PLCB1: variants seen among roughly 807,000 people sequenced by gnomAD.
PLCB1 encodes the protein phospholipase C beta 1, also known as 1-phosphatidylinositol 4,5-bisphosphate phosphodiesterase beta-1.
A neutral mutation model predicts 161.8 loss-of-function variants in PLCB1; 46 were observed. That is an observed-to-expected ratio of 0.28 (90% CI 0.22 to 0.36). PLCB1 has a LOEUF of 0.36. Ranked by LOEUF, PLCB1 falls within the 10% of genes least tolerant of loss-of-function variation. PLCB1 has a pLI of 1.00. For synonymous variants in PLCB1, 517 were observed against 503.7 expected (o/e 1.03, Z -0.35); for missense variants, 1,016 against 1,472.5 (o/e 0.69, Z 5.07).
chr20:8,880,515 A>AAAT (rs1332026705), intron 31 of PLCB1, among the ~76,000 whole-genome samples: 3 of 152,226 alleles, frequency 2.0e-5, no homozygotes, highest in African/African-American at 7.2e-5. Flanking sequence ...TTAGAATGAA[A>AAAT]AATGAATCAA....
intron 7 of PLCB1, among the ~76,000 whole-genome samples, chr20:8,656,786 G>A (rs1389781887): frequency 7.7e-6 from 1 of 129,346 alleles, no homozygotes; most frequent in Non-Finnish European, 1.6e-5. Context: ...AAAGATTCAA[G>A]TAGGAAAAAA....
At chr20:8,811,880 T>C (rs895844702) in intron 31 of PLCB1, among the ~76,000 whole-genome samples, 2 of 152,186 alleles carry the variant, frequency 1.3e-5, no homozygotes, top group Non-Finnish European at 2.9e-5. Context: ...AATAAACTCA[T>C]ATATTTCCTT....
At chr20:8,333,329 A>C (rs1350464992) in intron 2 of PLCB1, among the ~76,000 whole-genome samples, 2 of 152,236 alleles carry the variant, frequency 1.3e-5, no homozygotes, top group African/African-American at 4.8e-5. Context: ...GCAGCTAACT[A>C]GTGCCAAAAG....
Position 8,744,788 on chromosome 20 carries a change from G to A in PLCB1, c.2523+3215G>A, listed in dbSNP as rs1981083392. 2.0e-5 allele frequency among the ~76,000 whole-genome samples: 3 copies of A among 152,112 alleles called. No individual in the cohort carries two copies. In the Middle Eastern group the frequency reaches 0.01, roughly 517 times the overall value. ...TCAGAGATCATTTCTGTAATGACTA[G>A]GGGAAAATGTCACTCTAAAGAATGA... On this transcript the variant is annotated intron_variant, in intron 23 of 31. Transcript: ENST00000338037.
chr20:8,556,264 C>T (rs891188001), intron 3 of PLCB1, among the ~76,000 whole-genome samples: 3 of 151,906 alleles, frequency 2.0e-5, no homozygotes, highest in African/African-American at 7.3e-5. Context: ...TGAAGAGTCC[C>T]TAAAAGTACT....
chr20:8,206,715 C>A (rs1361351934), intron 2 of PLCB1, among the ~76,000 whole-genome samples: 2 of 149,904 alleles, frequency 1.3e-5, no homozygotes, highest in East Asian at 3.9e-4. Context: ...AAATGTATCC[C>A]AAGAAAATAT....
intron 2 of PLCB1, among the ~76,000 whole-genome samples, chr20:8,367,492 C>T (rs1025271081): frequency 3.3e-5 from 5 of 152,078 alleles, no homozygotes; most frequent in Non-Finnish European, 5.9e-5. Flanking sequence ...GCCACTGATA[C>T]GGAAGGTATG....
intron 31 of PLCB1, among the ~76,000 whole-genome samples, chr20:8,841,509 G>A (rs1459753527): frequency 6.6e-6 from 1 of 152,198 alleles, no homozygotes; most frequent in African/African-American, 2.4e-5. Flanking sequence ...CAATGATTGT[G>A]ATTAAGATCA....
intron 2 of PLCB1, among the ~76,000 whole-genome samples, chr20:8,342,863 G>T (rs1985861693): frequency 6.6e-6 from 1 of 152,164 alleles, no homozygotes; most frequent in African/African-American, 2.4e-5. Flanking sequence ...GAGTAGAAAG[G>T]TCAATAGGTA....
intron 3 of PLCB1, among the ~76,000 whole-genome samples, chr20:8,395,416 C>A (rs1987741448): frequency 6.6e-6 from 1 of 151,860 alleles, no homozygotes; most frequent in African/African-American, 2.4e-5. Flanking sequence ...TTTAAGATCT[C>A]TTATATTAGT....
chr20:8,648,443 A>G (rs185161198), intron 6 of PLCB1, among the ~76,000 whole-genome samples: 9 of 152,260 alleles, frequency 5.9e-5, no homozygotes, highest in East Asian at 5.8e-4. Flanking sequence ...TCCACCATAT[A>G]TCCTGTGGGA....
intron 4 of PLCB1, among the ~76,000 whole-genome samples, chr20:8,645,294 G>T (rs1012868556): frequency 6.3e-5 from 9 of 143,854 alleles, no homozygotes; most frequent in African/African-American, 2.5e-4. Context: ...AAACACCCAA[G>T]AATGATCAAT....
intron 2 of PLCB1, among the ~76,000 whole-genome samples, chr20:8,293,829 G>A (rs1983500480): frequency 6.6e-6 from 1 of 152,136 alleles, no homozygotes; most frequent in South Asian, 2.1e-4. Flanking sequence ...GCAGAGTCAA[G>A]GATGACACCA....
chr20:8,788,496 G>A lies in PLCB1; in HGVS notation c.3159G>A (p.Gln1053=). 1 of 1,613,708 alleles carries A rather than the reference G, an allele frequency of 6.2e-7. No homozygotes were observed. Among genetic ancestry groups the A allele is most frequent in the Non-Finnish European group, 8.5e-7 (1 of 1,179,862 alleles). The change falls in exon 28 of 32, where the codon CAG becomes CAA. Residue 1053 remains glutamine, a synonymous_variant. Coordinates refer to ENST00000338037, the MANE Select transcript of PLCB1 (RefSeq NM_015192.4). The part of the protein sequence containing the change: ...TDVAEECQNN[Q]LKKLKEICEK... ...TCGCAGAAGAGTGTCAGAACAATCA[G>A]TTAAAGAAGCTCAAAGAAATCTGTG... is the stretch of plus-strand genomic sequence containing the variant.
chr20:8,429,679 A>G (rs1979949754), intron 3 of PLCB1, among the ~76,000 whole-genome samples: 7 of 152,046 alleles, frequency 4.6e-5, no homozygotes, highest in Admixed American at 4.6e-4. Context: ...ATATCAAACC[A>G]TTGACCAACA....
intron 2 of PLCB1, among the ~76,000 whole-genome samples, chr20:8,299,719 A>C (rs1257386534): frequency 1.3e-5 from 2 of 152,092 alleles, no homozygotes; most frequent in African/African-American, 2.4e-5. Flanking sequence ...AGTTGCCCAA[A>C]CTGGATGTCA....
intron 31 of PLCB1, among the ~76,000 whole-genome samples, chr20:8,865,642 G>T (rs1987402479): frequency 6.6e-6 from 1 of 152,100 alleles, no homozygotes; most frequent in African/African-American, 2.4e-5. Flanking sequence ...AGAGAACCAG[G>T]TTCCTTTCAT....
intron 12 of PLCB1, among the ~76,000 whole-genome samples, chr20:8,712,144 T>A (rs1412788825): frequency 6.6e-6 from 1 of 151,996 alleles, no homozygotes; most frequent in African/African-American, 2.4e-5. Context: ...CTACTACAAA[T>A]ACAAAACAGG....
rs572227828 is a variant in PLCB1, at chr20:8,568,044, C to T, written c.247-60250C>T. Among the ~76,000 whole-genome samples the T allele has an allele frequency of 1.9e-3, 289 of 152,236 alleles. 2 individuals carry two copies. Among genetic ancestry groups the T allele is most frequent in the Non-Finnish European group, 3.2e-3 (221 of 68,004 alleles). On this transcript the variant is annotated intron_variant, in intron 3 of 31. Coordinates refer to ENST00000338037, the MANE Select transcript of PLCB1 (RefSeq NM_015192.4). ...TAGTTGTGATATTGTCTTAGCAACACATTTTTCTTTAAAAGAAGAATTTCT... is the reference window on the plus strand; with the variant it reads ...TAGTTGTGATATTGTCTTAGCAACATATTTTTCTTTAAAAGAAGAATTTCT...
Sources: gnomAD v4.1 joint callset for allele counts (sites outside exome capture counted in the v4.1 genomes callset) on GRCh38, gnomAD v4.1.1 for gene constraint, MANE v1.5 for transcripts, NCBI Gene and HGNC (gene_info 2026-07-23, HGNC 2026-07-21) for gene names.